The following DAB1 variants were observed in gnomAD, a reference collection of about 807,000 sequenced individuals.
DAB1 encodes the protein DAB adaptor protein 1.
DAB1 carries 15 observed loss-of-function variants against 64.6 expected under a neutral mutation model. The observed-to-expected ratio is 0.23, with a 90% CI of 0.16 to 0.36. DAB1 has a LOEUF of 0.36. Ranked by LOEUF, DAB1 falls within the 10% of genes least tolerant of loss-of-function variation. DAB1 has a pLI of 1.00. For missense variants in DAB1, 596 were observed against 706.7 expected (o/e 0.84, Z 1.78); for synonymous variants, 235 against 251.9 (o/e 0.93, Z 0.64).
At chr1:58,398,004 T>G (rs1379806510) in intron 3 of DAB1, among the ~76,000 whole-genome samples, 1 of 152,132 alleles carries the variant, frequency 6.6e-6, no homozygotes, top group Admixed American at 6.5e-5. Context: ...ACCCTTGGAT[T>G]TCCTTCAGGT....
intron 5 of DAB1, among the ~76,000 whole-genome samples, chr1:58,010,797 A>G (rs1163435015): frequency 6.6e-6 from 1 of 152,216 alleles, no homozygotes; most frequent in Non-Finnish European, 1.5e-5. Context: ...TTACTAATCT[A>G]TCAGCTTCTC....
At chr1:57,906,542 A>G (rs1006728314) in intron 5 of DAB1, among the ~76,000 whole-genome samples, 1 of 152,138 alleles carries the variant, frequency 6.6e-6, no homozygotes, top group Non-Finnish European at 1.5e-5. Context: ...TTATCCCACA[A>G]AAGGCAGTTG....
intron 3 of DAB1, chr1:58,468,570 T>C (rs7544701): frequency 0.1 from 15,289 of 152,156 alleles, 858 homozygotes; most frequent in Middle Eastern, 0.18. Flanking sequence ...GTGCATGAGA[T>C]GTATTGGAGA....
At chr1:57,939,371 T>A (rs1645070896) in intron 5 of DAB1, among the ~76,000 whole-genome samples, 1 of 152,202 alleles carries the variant, frequency 6.6e-6, no homozygotes, top group Non-Finnish European at 1.5e-5. Context: ...AAACATTCAT[T>A]CCTTTCCAGT....
intron 2 of DAB1, among the ~76,000 whole-genome samples, chr1:57,174,061 A>T (rs1055353669): frequency 3.9e-5 from 6 of 152,192 alleles, no homozygotes; most frequent in African/African-American, 1.4e-4. Flanking sequence ...AAATTTGATA[A>T]ACTGATCTTA....
chr1:57,430,289 CCCA>C (rs1348797250), intron 7 of DAB1, among the ~76,000 whole-genome samples: 1 of 152,110 alleles, frequency 6.6e-6, no homozygotes, highest in African/African-American at 2.4e-5. Flanking sequence ...TATTACACAG[CCCA>C]CAATTCATTA....
chr1:57,892,203 C>T (rs76308796), intron 5 of DAB1, among the ~76,000 whole-genome samples: 3,061 of 152,208 alleles, frequency 0.02, 89 homozygotes, highest in East Asian at 0.14. Flanking sequence ...AATCGTCCCA[C>T]CTAGCTCGTC....
intron 5 of DAB1, among the ~76,000 whole-genome samples, chr1:58,026,104 A>T (rs1646891485): frequency 6.6e-6 from 1 of 152,170 alleles, no homozygotes; most frequent in Non-Finnish European, 1.5e-5. Flanking sequence ...ACTTCTCAAA[A>T]ATCAAGCTAC....
At chr1:57,204,782 A>T (rs1286295217) in intron 2 of DAB1, among the ~76,000 whole-genome samples, 7 of 152,244 alleles carry the variant, frequency 4.6e-5, no homozygotes, top group Non-Finnish European at 1.0e-4. Flanking sequence ...AATTGTGATT[A>T]TGGCTGAAGT....
chr1:57,752,647 G>C (rs1163087401), intron 6 of DAB1, among the ~76,000 whole-genome samples: 1 of 152,170 alleles, frequency 6.6e-6, no homozygotes, highest in African/African-American at 2.4e-5. Context: ...CAGACTGGTG[G>C]TGTGAAAAGC....
chr1:57,102,468 T>C (rs1342232697), intron 4 of DAB1, among the ~76,000 whole-genome samples: 1 of 152,174 alleles, frequency 6.6e-6, no homozygotes, highest in Non-Finnish European at 1.5e-5. Flanking sequence ...GTAAATAGTG[T>C]TTGGAATTGA....
In DAB1 at chr1:57,346,779, C is replaced by T. The variant is rs188387935; in HGVS notation, c.-136-55613G>A. Among the ~76,000 whole-genome samples, 8 of 152,244 alleles carry T rather than the reference C, an allele frequency of 5.3e-5. No homozygotes were observed. The East Asian group carries it at 5.8e-4, about 11-fold the overall frequency. ...ACATGAACTGACCAATTTTCAGACA[C>T]GTATGCCAAGTTTTCAAGATAGACT... On this transcript the variant is annotated intron_variant, in intron 1 of 14. Coordinates refer to ENST00000371236, the MANE Select transcript of DAB1 (RefSeq NM_001365792.1).
At chr1:58,025,941 C>T (rs1000171828) in intron 5 of DAB1, among the ~76,000 whole-genome samples, 6 of 152,072 alleles carry the variant, frequency 3.9e-5, no homozygotes, top group African/African-American at 1.4e-4. Context: ...TGTTCTTGTT[C>T]TCACCTCCAC....
intron 4 of DAB1, among the ~76,000 whole-genome samples, chr1:57,133,858 A>C (rs1010514846): frequency 6.6e-6 from 1 of 152,126 alleles, no homozygotes; most frequent in Non-Finnish European, 1.5e-5. Flanking sequence ...GGAAAAAAAA[A>C]CTTCATTTAG....
chr1:57,837,020 T>C (rs1652837980), intron 1 of DAB1, among the ~76,000 whole-genome samples: 2 of 152,256 alleles, frequency 1.3e-5, no homozygotes, highest in Admixed American at 1.3e-4. Flanking sequence ...TCCCTTCTAA[T>C]CCATCACAAA....
intron 5 of DAB1, among the ~76,000 whole-genome samples, chr1:58,051,494 G>A (rs750748303): frequency 2.4e-4 from 37 of 152,132 alleles, no homozygotes; most frequent in Admixed American, 9.2e-4. Flanking sequence ...TGTGAATAGT[G>A]CTGCAATAGA....
At chr1:57,084,514 C>T (rs1301767003) in intron 4 of DAB1, among the ~76,000 whole-genome samples, 2 of 152,124 alleles carry the variant, frequency 1.3e-5, no homozygotes. Context: ...CAGCCATCTT[C>T]TTATTTTTAT....
intron 5 of DAB1, among the ~76,000 whole-genome samples, chr1:58,112,526 A>G (rs1652033506): frequency 6.6e-6 from 1 of 152,190 alleles, no homozygotes; most frequent in South Asian, 2.1e-4. Context: ...AGTAAAATGG[A>G]GACAATGATA....
intron 7 of DAB1, among the ~76,000 whole-genome samples, chr1:57,452,166 C>CCCCT (rs367685387): frequency 2.3e-3 from 171 of 75,072 alleles, no homozygotes; most frequent in African/African-American, 6.7e-3. Flanking sequence ...TGCACCCCCC[C>CCCCT]TTTTTTTTTT....
Sources: allele counts gnomAD v4.1 joint callset (sites outside exome capture counted in the v4.1 genomes callset), GRCh38; gene constraint gnomAD v4.1.1; transcripts MANE v1.5; gene names NCBI Gene and HGNC (gene_info 2026-07-23, HGNC 2026-07-21).